SDK1: variants seen among roughly 807,000 people sequenced by gnomAD.
The protein encoded by SDK1 is protein sidekick-1.
Under a neutral mutation model 245.5 loss-of-function variants are expected in SDK1, and 157 were observed. The observed-to-expected ratio is 0.64, with a 90% CI of 0.56 to 0.73. The LOEUF is 0.73. SDK1 is among the 30% of genes least tolerant of loss of function. The pLI is 0.00. For missense variants in SDK1, 3,583 were observed against 3,002.3 expected, an observed-to-expected ratio of 1.19 and a Z score of -4.52; for synonymous variants, 1,647 against 1,278.5, an observed-to-expected ratio of 1.29 and a Z score of -6.15.
chr7:3,898,757 AAGTCTT>A (rs1180625699), intron 5 of SDK1, among the ~76,000 whole-genome samples: 2 of 152,146 alleles, frequency 1.3e-5, no homozygotes, highest in Admixed American at 1.3e-4. Flanking sequence ...TTGCCAAACT[AAGTCTT>A]AGTAATTAGA....
In SDK1 at chr7:4,011,117, C is replaced by G. The variant is rs200051946; in HGVS notation, c.2279+4C>G. Reference sequence around the variant, plus strand: ...AGTACAGCGCCGAGACAAGCAGGTGCGTGAATCCCGCCCCAGGTGGGGGTG... The same window carrying G: ...AGTACAGCGCCGAGACAAGCAGGTGGGTGAATCCCGCCCCAGGTGGGGGTG... On this transcript the variant is annotated splice_donor_region_variant and intron_variant, in intron 15 of 44. Transcript: ENST00000404826. 1 of 1,612,972 alleles carries G rather than the reference C, an allele frequency of 6.2e-7. No homozygotes were observed. The highest frequency in any genetic ancestry group is 1.3e-5 in the African/African-American group (1 of 74,916).
intron 5 of SDK1, among the ~76,000 whole-genome samples, chr7:3,920,128 C>T (rs532962759): frequency 1.3e-3 from 199 of 152,264 alleles, no homozygotes; most frequent in South Asian, 2.3e-3. Flanking sequence ...TCACCCCCAC[C>T]GGGTCGTGTC....
rs2128133022 is a variant in SDK1, at chr7:3,971,530, G to A, written c.1779G>A (p.Leu593=). Residue 593 remains leucine (L), a synonymous_variant, in exon 12 of 45, where the codon CTG becomes CTA. Transcript: ENST00000404826. ...HVVIKGTTAT[L]HCGATHDPRV... is the part of the protein sequence containing the mutation. ...TGATTAAGGGGACCACGGCCACGCT[G>A]CACTGTGGTGCCACACATGACCCCC... is the stretch of plus-strand genomic sequence containing the variant. 1 of 1,613,592 alleles carries A rather than the reference G, an allele frequency of 6.2e-7. No homozygotes were observed. The highest frequency in any genetic ancestry group is 2.2e-5 in the East Asian group (1 of 44,886).
chr7:3,655,529 A>G (rs1429342037), intron 4 of SDK1, among the ~76,000 whole-genome samples: 10 of 131,566 alleles, frequency 7.6e-5, no homozygotes, highest in African/African-American at 2.9e-4. Context: ...AAAATGTGCT[A>G]GTAAATCATA....
intron 1 of SDK1, among the ~76,000 whole-genome samples, chr7:3,334,931 T>C (rs1780160747): frequency 6.6e-6 from 1 of 152,198 alleles, no homozygotes; most frequent in South Asian, 2.1e-4. Flanking sequence ...TAAGTGGCTT[T>C]ATCATTTACC....
chr7:3,584,146 C>G (rs939648118), intron 1 of SDK1, among the ~76,000 whole-genome samples: 1 of 152,168 alleles, frequency 6.6e-6, no homozygotes, highest in Admixed American at 6.5e-5. Flanking sequence ...TAAAAAGATT[C>G]TGTGCTTATA....
chr7:3,605,145 A>C (rs201408657), intron 1 of SDK1, among the ~76,000 whole-genome samples: 3,051 of 147,364 alleles, frequency 0.021, 115 homozygotes, highest in African/African-American at 0.072. Flanking sequence ...AAAAACAAGA[A>C]ACACACACAC....
intron 5 of SDK1, among the ~76,000 whole-genome samples, chr7:3,901,449 G>A (rs747565415): frequency 2.0e-4 from 30 of 152,182 alleles, no homozygotes; most frequent in Non-Finnish European, 4.1e-4. Flanking sequence ...GCCTCCCAAA[G>A]TGCTGGGATT....
chr7:4,150,010 C>G (rs1780247643), intron 30 of SDK1, among the ~76,000 whole-genome samples: 1 of 152,106 alleles, frequency 6.6e-6, no homozygotes, highest in Admixed American at 6.5e-5. Context: ...TACTGGACCT[C>G]TGGGCTCAGC....
At chr7:3,469,155 G>T (rs1399555736) in intron 1 of SDK1, among the ~76,000 whole-genome samples, 2 of 152,084 alleles carry the variant, frequency 1.3e-5, no homozygotes, top group Non-Finnish European at 2.9e-5. Flanking sequence ...ATTCCCCAAA[G>T]GACACACCTG....
intron 4 of SDK1, among the ~76,000 whole-genome samples, chr7:3,805,947 G>C (rs948777510): frequency 6.6e-6 from 1 of 152,046 alleles, no homozygotes; most frequent in Non-Finnish European, 1.5e-5. Context: ...CCTTTACAGA[G>C]CTATTCTAGT....
intron 26 of SDK1, 82 bp downstream of exon 26, chr7:4,127,578 G>C: frequency 5.1e-6 from 5 of 986,322 alleles, no homozygotes; most frequent in Non-Finnish European, 4.9e-6. Context: ...CCAAAGCAAC[G>C]AGCTTCCTCT....
chr7:3,312,826 A>T (rs1454676086), intron 1 of SDK1, among the ~76,000 whole-genome samples: 4 of 152,100 alleles, frequency 2.6e-5, no homozygotes, highest in African/African-American at 9.6e-5. Flanking sequence ...ATTAGAAGAT[A>T]GAATGGCTGA....
At chr7:4,185,153 A>G (rs1782812078) in intron 35 of SDK1, among the ~76,000 whole-genome samples, 1 of 152,212 alleles carries the variant, frequency 6.6e-6, no homozygotes, top group South Asian at 2.1e-4. Flanking sequence ...GACAGTCAGA[A>G]GAAGGGGACT....
intron 5 of SDK1, among the ~76,000 whole-genome samples, chr7:3,851,217 G>T (rs1001446363): frequency 6.6e-6 from 1 of 152,080 alleles, no homozygotes; most frequent in Non-Finnish European, 1.5e-5. Context: ...GATGCTATCT[G>T]CCCCAAATAA....
intron 22 of SDK1, among the ~76,000 whole-genome samples, chr7:4,092,651 G>C (rs1781884032): frequency 6.6e-6 from 1 of 152,208 alleles, no homozygotes; most frequent in African/African-American, 2.4e-5. Flanking sequence ...GGAGGAGAAA[G>C]ACTCCGGAGC....
chr7:3,487,200 T>C lies in SDK1; in HGVS notation c.299-131880T>C, dbSNP rs180972937. Among the ~76,000 whole-genome samples the C allele has an allele frequency of 7.2e-5, 11 of 152,358 alleles. No individual in the cohort carries two copies. The East Asian group carries it at 1.7e-3, about 24-fold the overall frequency. ...CAGCTCCTGGTCAGCATAAGCCTTA[T>C]GACACTCTGAAATTTAGATATTAAG... On this transcript the variant is annotated intron_variant, in intron 1 of 44. Coordinates refer to ENST00000404826, the MANE Select transcript of SDK1 (RefSeq NM_152744.4).
chr7:3,734,880 T>G (rs1779277204), intron 4 of SDK1, among the ~76,000 whole-genome samples: 1 of 152,176 alleles, frequency 6.6e-6, no homozygotes, highest in African/African-American at 2.4e-5. Context: ...TTTTCCAAGT[T>G]CAGCACGTAG....
chr7:3,351,672 G>C (rs1780663460), intron 1 of SDK1, among the ~76,000 whole-genome samples: 2 of 152,114 alleles, frequency 1.3e-5, no homozygotes, highest in Admixed American at 6.5e-5. Context: ...CAAGGCAAAA[G>C]GCATTAGAGA....
Sources: gnomAD v4.1 joint callset for allele counts (sites outside exome capture counted in the v4.1 genomes callset) on GRCh38, gnomAD v4.1.1 for gene constraint, MANE v1.5 for transcripts, NCBI Gene and HGNC (gene_info 2026-07-23, HGNC 2026-07-21) for gene names.